The following UBASH3B variants were observed in gnomAD, a reference collection of about 807,000 sequenced individuals.
UBASH3B encodes the protein ubiquitin associated and SH3 domain containing B, also known as ubiquitin-associated and SH3 domain-containing protein B.
In UBASH3B, 37 loss-of-function variants were observed where a neutral mutation model predicts 83.4. The observed-to-expected ratio is 0.44, with a 90% CI of 0.34 to 0.58. The LOEUF is 0.58. UBASH3B is among the 20% of genes least tolerant of loss of function. UBASH3B has a pLI of 0.01. For synonymous variants in UBASH3B, 304 were observed against 318.3 expected (o/e 0.96, Z 0.48); for missense variants, 657 against 827.2 (o/e 0.79, Z 2.52).
chr11:122,744,708 C>CTG (rs56089031), intron 1 of UBASH3B, among the ~76,000 whole-genome samples: 146,720 of 151,810 alleles, frequency 0.97, 71,075 homozygotes, highest in Middle Eastern at 1. Flanking sequence ...ACATGTGCAA[C>CTG]TGTGTGTGAC....
chr11:122,710,153 CAA>C (rs533815380), intron 1 of UBASH3B, among the ~76,000 whole-genome samples: 27 of 65,210 alleles, frequency 4.1e-4, no homozygotes, highest in Admixed American at 1.1e-3. Flanking sequence ...GAGACTGTCT[CAA>C]AAAAAAAAAA....
intron 2 of UBASH3B, 148 bp downstream of exon 2, chr11:122,776,420 A>C: frequency 1.5e-6 from 1 of 682,842 alleles, no homozygotes; most frequent in South Asian, 2.3e-5. Context: ...TATCAAGTCA[A>C]TTGCCTCCTC....
In UBASH3B at chr11:122,682,881, G is replaced by A. The variant is rs761189710; in HGVS notation, c.161+26671G>A. ...AAGAATAGTATAACAAAACAAATGC[G>A]TCAAGCAATTCATCCTTGATCCTGT... On this transcript the variant is annotated intron_variant, in intron 1 of 13. Coordinates refer to ENST00000284273, the MANE Select transcript of UBASH3B (RefSeq NM_032873.5). Among the ~76,000 whole-genome samples the A allele has an allele frequency of 5.3e-5, 8 of 152,132 alleles. No individual in the cohort carries two copies. In the East Asian group the frequency reaches 1.2e-3, roughly 22 times the overall value.
At chr11:122,762,352 A>G (rs1861384281) in intron 1 of UBASH3B, among the ~76,000 whole-genome samples, 1 of 152,184 alleles carries the variant, frequency 6.6e-6, no homozygotes, top group Non-Finnish European at 1.5e-5. Flanking sequence ...TAAAGGCTTC[A>G]GGGATAGCGC....
At chr11:122,760,669 A>G (rs1314281400) in intron 1 of UBASH3B, among the ~76,000 whole-genome samples, 5 of 152,164 alleles carry the variant, frequency 3.3e-5, no homozygotes, top group African/African-American at 1.2e-4. Flanking sequence ...CCCCAGAGAA[A>G]GGTTTTAAGT....
chr11:122,776,744 T>G (rs532800298), intron 2 of UBASH3B, among the ~76,000 whole-genome samples: 13 of 152,108 alleles, frequency 8.5e-5, no homozygotes, highest in African/African-American at 2.9e-4. Flanking sequence ...GGATTTGGAG[T>G]TGATCCAAGA....
rs919801469 is a variant in UBASH3B, at chr11:122,811,831, GT to G, written c.*1946del. The G allele has an allele frequency of 5.3e-4, 80 of 152,298 alleles. No homozygotes were observed. The highest frequency in any genetic ancestry group is 1.9e-3 in the African/African-American group (79 of 41,556). 9.4% of individuals were successfully genotyped at this position (152,298 alleles called of 1,614,324 possible). On this transcript the variant is annotated 3_prime_UTR_variant, in exon 14 of 14. Transcript: ENST00000284273. ...TCTTAAGAGAAAAGTCACATTACAA[GT>G]AATGTAATGGCTCTACCATTCATTC...
chr11:122,789,174 C>T lies in UBASH3B; in HGVS notation c.846C>T (p.Phe282=). ...ELELVPGDFI[F]MSPMEQTSTS... is the part of the protein sequence containing the mutation. Reference sequence around the variant, plus strand: ...AGCTGGTCCCCGGGGACTTCATCTTCATGTCTCCAATGGAGCAGACCAGCA... The same window carrying T: ...AGCTGGTCCCCGGGGACTTCATCTTTATGTCTCCAATGGAGCAGACCAGCA... Residue 282 remains phenylalanine, a synonymous_variant, in exon 6 of 14, where the codon TTC becomes TTT. Coordinates refer to ENST00000284273, the MANE Select transcript of UBASH3B (RefSeq NM_032873.5). 2 of 1,614,164 alleles carry T rather than the reference C, an allele frequency of 1.2e-6. No homozygotes were observed. The highest frequency in any genetic ancestry group is 8.5e-7 in the Non-Finnish European group (1 of 1,180,030).
intron 1 of UBASH3B, among the ~76,000 whole-genome samples, chr11:122,769,045 A>G (rs966802400): frequency 5.3e-5 from 8 of 152,176 alleles, no homozygotes; most frequent in Admixed American, 2.0e-4. Context: ...TTTTATTACT[A>G]TAAAGGAATA....
At chr11:122,725,610 C>A (rs1011779324) in intron 1 of UBASH3B, among the ~76,000 whole-genome samples, 7 of 152,156 alleles carry the variant, frequency 4.6e-5, no homozygotes, top group African/African-American at 1.7e-4. Context: ...GTTGGAGGAG[C>A]ATGCTGTACT....
intron 1 of UBASH3B, among the ~76,000 whole-genome samples, chr11:122,673,337 C>T (rs1863623982): frequency 6.6e-6 from 1 of 152,130 alleles, no homozygotes; most frequent in African/African-American, 2.4e-5. Context: ...CCTTAGCCAA[C>T]CTTTAACTCC....
intron 6 of UBASH3B, among the ~76,000 whole-genome samples, chr11:122,791,773 T>C (rs11218812): frequency 0.22 from 33,866 of 151,802 alleles, 4,127 homozygotes; most frequent in Middle Eastern, 0.46. Flanking sequence ...TGACTGGGGG[T>C]CAATGATTTT....
chr11:122,706,530 C>T (rs147883780), intron 1 of UBASH3B, among the ~76,000 whole-genome samples: 4 of 152,170 alleles, frequency 2.6e-5, no homozygotes, highest in African/African-American at 9.6e-5. Context: ...TACTCCAGTA[C>T]CTAGATACGA....
At chr11:122,775,397 A>G (rs901811253) in intron 1 of UBASH3B, among the ~76,000 whole-genome samples, 1 of 152,206 alleles carries the variant, frequency 6.6e-6, no homozygotes, top group Non-Finnish European at 1.5e-5. Flanking sequence ...TGATAGCTGC[A>G]CTGCTCTGGC....
intron 1 of UBASH3B, among the ~76,000 whole-genome samples, chr11:122,693,042 AG>A (rs1863915569): frequency 6.6e-6 from 1 of 152,118 alleles, no homozygotes; most frequent in Non-Finnish European, 1.5e-5. Flanking sequence ...TTTTGTGGGC[AG>A]GGGGTGGATC....
At chr11:122,795,610 T>C (rs1861141022) in intron 7 of UBASH3B, among the ~76,000 whole-genome samples, 1 of 152,208 alleles carries the variant, frequency 6.6e-6, no homozygotes, top group African/African-American at 2.4e-5. Context: ...ATTTTGGGGA[T>C]CATATATATA....
chr11:122,729,298 A>G (rs1203186781), intron 1 of UBASH3B, among the ~76,000 whole-genome samples: 5 of 152,178 alleles, frequency 3.3e-5, no homozygotes. Flanking sequence ...CTTGTGGCCC[A>G]GTTCAGCTGA....
Position 122,656,603 on chromosome 11 carries a change from C to G in UBASH3B, c.161+393C>G, listed in dbSNP as rs140871780. Among the ~76,000 whole-genome samples, 211 of 152,318 alleles carry G rather than the reference C, an allele frequency of 1.4e-3. No homozygotes were observed. The Middle Eastern group carries it at 0.02, about 15-fold the overall frequency. ...CTGCGGAGGACTCGGGCACCCTCTC[C>G]GTCTGGAATACTGGGCTGGTCTGGG... On this transcript the variant is annotated intron_variant, in intron 1 of 13. Transcript: ENST00000284273.
At chr11:122,776,367 C>T in intron 2 of UBASH3B, 95 bp downstream of exon 2, 1 of 1,161,534 alleles carries the variant, frequency 8.6e-7, no homozygotes, top group Non-Finnish European at 1.2e-6. Flanking sequence ...CTAATGGACC[C>T]TTCCAGAAGA....
Sources: allele counts gnomAD v4.1 joint callset (sites outside exome capture counted in the v4.1 genomes callset), GRCh38; gene constraint gnomAD v4.1.1; transcripts MANE v1.5; gene names NCBI Gene and HGNC (gene_info 2026-07-23, HGNC 2026-07-21).